The following INTS10 variants were observed in gnomAD, a reference collection of about 807,000 sequenced individuals.
INTS10 encodes the protein chromosome 8 open reading frame 35.
Under a neutral mutation model 94.4 loss-of-function variants are expected in INTS10, and 44 were observed. That is an observed-to-expected ratio of 0.47 (90% confidence interval 0.37 to 0.60). The LOEUF is 0.60. Among genes scored for constraint, INTS10 ranks in the 20% least tolerant of loss-of-function variants. INTS10 has a pLI of 0.00. For missense variants in INTS10, 797 were observed against 868.7 expected (o/e 0.92, Z 1.04); for synonymous variants, 341 against 320.7 (o/e 1.06, Z -0.68).
At chr8:19,836,014 A>T (rs1338450721) in intron 12 of INTS10, among the ~76,000 whole-genome samples, 7 of 152,116 alleles carry the variant, frequency 4.6e-5, no homozygotes, top group African/African-American at 1.7e-4. Flanking sequence ...GGGCAAGGAG[A>T]GGGAGAGCAT....
rs759369409 is a variant in INTS10 at position 19,833,243 on chromosome 8, C to T, written c.1452C>T (p.Ile484=). 1 of 1,613,138 alleles carries T rather than the reference C, an allele frequency of 6.2e-7. No individual in the cohort carries two copies. Among genetic ancestry groups the T allele is most frequent in the East Asian group, 2.2e-5 (1 of 44,756 alleles). ...AGGGATCCATTTCTCAGCCACAGAT[C>T]ACAGGGCAGGGGACCCTGGAGCATC... ...ALQGSISQPQ[I]TGQGTLEHQR... Residue 484 remains isoleucine, a synonymous_variant, in exon 12 of 17, where the codon ATC becomes ATT. Coordinates refer to ENST00000397977, the MANE Select transcript of INTS10 (RefSeq NM_018142.4).
chr8:19,818,224 G>C (rs749957823), intron 1 of INTS10, 51 bp from the exon 2 acceptor site: 30 of 1,573,892 alleles, frequency 1.9e-5, no homozygotes, highest in Non-Finnish European at 2.5e-5. Flanking sequence ...GGATGAGCTG[G>C]GAGCCTTCTG....
At chr8:19,845,464 GT>G (rs1396575251) in intron 15 of INTS10, 3 of 521,514 alleles carry the variant, frequency 5.8e-6, no homozygotes, top group African/African-American at 5.7e-5. Flanking sequence ...AGTTTAGTGG[GT>G]ATAAGAATCA....
Position 19,851,925 on chromosome 8 carries a change from C to CTGAG in INTS10, c.*122_*125dup. On this transcript the variant is annotated 3_prime_UTR_variant, in exon 17 of 17. Transcript: ENST00000397977. This position sits in a 1 kb window ranked among gnomAD's most constrained non-coding sequence, Gnocchi z 5.0. ...TTGCTGTTACAAAGAAGAAAACCATCTGAGTTCTAACTCCTTGGTTGCTTA... is the reference window on the plus strand; with the variant it reads ...TTGCTGTTACAAAGAAGAAAACCATCTGAGTGAGTTCTAACTCCTTGGTTGCTTA... The CTGAG allele has an allele frequency of 1.2e-6, 1 of 815,908 alleles. No individual in the cohort carries two copies. Among genetic ancestry groups the CTGAG allele is most frequent in the Admixed American group, 2.6e-5 (1 of 38,680 alleles). The allele number at this position is 815,908 out of a possible 1,614,324, so 50.5% of individuals were successfully genotyped here. A position where few individuals can be genotyped will look rare whatever the true frequency, so the allele number is the denominator to read the frequency against.
At position 19,817,717 on chromosome 8, in the gene INTS10, C is replaced by A. The variant is rs372483636; in HGVS notation, c.129+51C>A. On this transcript the variant is annotated intron_variant, in intron 1 of 16. Transcript: ENST00000397977. ...CGCTCTGCGTGGAGGTGCGCGCTCC[C>A]GTCGCCCGGGCTGCCCTGGCCCAGA... 300 of 1,563,656 alleles carry A rather than the reference C, an allele frequency of 1.9e-4. 1 individual carries two copies. The highest frequency in any genetic ancestry group is 2.4e-4 in the Non-Finnish European group (275 of 1,153,668).
At chr8:19,827,398 C>T (rs1000532358) in intron 9 of INTS10, among the ~76,000 whole-genome samples, 9 of 152,320 alleles carry the variant, frequency 5.9e-5, no homozygotes, top group Non-Finnish European at 8.8e-5. Flanking sequence ...TTTTAATTCT[C>T]TGCAGCATCC....
chr8:19,820,247 G>A (rs911911019), intron 3 of INTS10, 132 bp from the exon 4 acceptor site: 3 of 766,950 alleles, frequency 3.9e-6, no homozygotes, highest in Admixed American at 6.7e-5. Context: ...CCAGGTTGTA[G>A]GTGAAACTTA....
chr8:19,818,584 G>T, intron 2 of INTS10: 1 of 526,406 alleles, frequency 1.9e-6, no homozygotes. Flanking sequence ...ATTTATTCTA[G>T]AAATAATATG....
In INTS10 at chr8:19,843,121, A is replaced by G. The variant is rs1382119808; in HGVS notation, c.1719+194A>G. 6.6e-6 allele frequency among the ~76,000 whole-genome samples: 1 copy of G among 152,262 alleles called. No homozygotes were observed. The highest frequency in any genetic ancestry group is 1.5e-5 in the Non-Finnish European group (1 of 68,050). ...ATGACTGCGCTAGGCAAAGAGAAGT[A>G]GGAAGTTCTCCCCGTCCTCAAAAAG... On this transcript the variant is annotated intron_variant, in intron 14 of 16. Transcript: ENST00000397977. This position sits in a 1 kb window ranked among gnomAD's most constrained non-coding sequence, Gnocchi z 4.7.
At chr8:19,827,716 A>G (rs2066912463) in intron 9 of INTS10, among the ~76,000 whole-genome samples, 1 of 152,032 alleles carries the variant, frequency 6.6e-6, no homozygotes, top group Non-Finnish European at 1.5e-5. Flanking sequence ...CCCTGTTCTC[A>G]TAACCTGGCC....
chr8:19,834,779 CA>C (rs1322621625), intron 12 of INTS10, among the ~76,000 whole-genome samples: 2 of 152,120 alleles, frequency 1.3e-5, no homozygotes, highest in East Asian at 3.9e-4. Flanking sequence ...TTGCTATAAC[CA>C]AATACCATAA....
At position 19,830,562 on chromosome 8, in the gene INTS10, A is replaced by ATC; in HGVS notation, c.1294+3_1294+4insTC. On this transcript the variant is annotated splice_donor_region_variant and intron_variant, in intron 10 of 16. Coordinates refer to ENST00000397977, the MANE Select transcript of INTS10 (RefSeq NM_018142.4). ...TTCCCTAGAATTCCTTGACAAAGGT[A>ATC]AGAAAGCGCATGTCATTGGTGCTGT... 1 of 1,610,024 alleles carries ATC rather than the reference A, an allele frequency of 6.2e-7. No homozygotes were observed. The highest frequency in any genetic ancestry group is 8.5e-7 in the Non-Finnish European group (1 of 1,178,450).
intron 12 of INTS10, among the ~76,000 whole-genome samples, chr8:19,836,688 T>C (rs989979160): frequency 6.6e-6 from 1 of 152,252 alleles, no homozygotes; most frequent in African/African-American, 2.4e-5. Flanking sequence ...GCTACATTTT[T>C]TATTGTTAGT....
chr8:19,820,447 A>T lies in INTS10; in HGVS notation c.370A>T (p.Asn124Tyr). 6.2e-7 allele frequency: 1 copy of T among 1,613,638 alleles called. No individual in the cohort carries two copies. The highest frequency in any genetic ancestry group is 8.5e-7 in the Non-Finnish European group (1 of 1,179,570). The change falls in exon 4 of 17, where the codon AAC becomes TAC. Residue 124 changes from asparagine to tyrosine, a missense_variant. Physicochemically the swap from Asn to Tyr is moderately radical, Grantham distance 143 (BLOSUM62 -2). Transcript: ENST00000397977. ...MLLKVTEQCF[N>Y]TLERSEMLLL... ...ACTAAAGGTCACGGAACAATGCTTC[A>T]ACACGTTAGAACGATCAGAAATGTT...
At chr8:19,826,320 AATC>A in intron 8 of INTS10, 103 bp from the exon 9 acceptor site, 2 of 1,182,600 alleles carry the variant, frequency 1.7e-6, no homozygotes, top group Non-Finnish European at 1.2e-6. Context: ...GAGCTCAGGC[AATC>A]CTCCTGCCTC....
At chr8:19,840,824 T>G (rs1485467449) in intron 13 of INTS10, among the ~76,000 whole-genome samples, 1 of 152,172 alleles carries the variant, frequency 6.6e-6, no homozygotes, top group African/African-American at 2.4e-5. Flanking sequence ...TTGAAACTCA[T>G]GACCCTGTAG....
intron 10 of INTS10, among the ~76,000 whole-genome samples, 197 bp downstream of exon 10, chr8:19,830,756 C>T (rs1589977038): frequency 6.6e-6 from 1 of 152,180 alleles, no homozygotes; most frequent in South Asian, 2.1e-4. Flanking sequence ...CACTGCAACG[C>T]TCACCTCCTG....
chr8:19,829,189 G>C (rs959514239), intron 9 of INTS10, among the ~76,000 whole-genome samples: 1 of 152,064 alleles, frequency 6.6e-6, no homozygotes, highest in Non-Finnish European at 1.5e-5. Context: ...CAACGTGCAG[G>C]TTTGTTACAT....
intron 16 of INTS10, chr8:19,848,976 A>G: frequency 7.3e-6 from 2 of 275,848 alleles, no homozygotes; most frequent in South Asian, 5.8e-5. Context: ...CAGCGGGTGC[A>G]GTGAGGGCTG....
Sources: allele counts gnomAD v4.1 joint callset (sites outside exome capture counted in the v4.1 genomes callset), GRCh38; gene constraint gnomAD v4.1.1; non-coding constraint Gnocchi (gnomAD v3.1); transcripts MANE v1.5; gene names NCBI Gene and HGNC (gene_info 2026-07-23, HGNC 2026-07-21).